LARGE1: variants seen among roughly 807,000 people sequenced by gnomAD.
The protein encoded by LARGE1 is LARGE xylosyl- and glucuronyltransferase 1, also known as xylosyl- and glucuronyltransferase LARGE1.
A neutral mutation model predicts 87.6 loss-of-function variants in LARGE1; 43 were observed. The ratio of observed to expected loss-of-function variants is 0.49; its 90% CI spans 0.38 to 0.63. LARGE1 has a LOEUF of 0.63. Among genes scored for constraint, LARGE1 ranks in the 30% least tolerant of loss-of-function variants. The pLI is 0.00. For missense variants in LARGE1, 802 were observed against 1,000.2 expected (o/e 0.80, Z 2.67); for synonymous variants, 434 against 394.6 (o/e 1.10, Z -1.18).
rs141482573 is a variant in LARGE1, at chr22:33,908,554, G to A, written c.-83+11441C>T. Among the ~76,000 whole-genome samples the A allele has an allele frequency of 2.6e-3, 388 of 150,760 alleles. 4 individuals are homozygous for A. The highest frequency in any genetic ancestry group is 9.0e-3 in the African/African-American group (370 of 40,994). On this transcript the variant is annotated intron_variant, in intron 1 of 14. Coordinates refer to ENST00000397394, the MANE Select transcript of LARGE1 (RefSeq NM_133642.5). ...GATGCATGAAATGGGGGGTGGCCAG[G>A]GGTGGGGGGTGAGACTGCAGAGAAA...
chr22:33,784,922 T>A (rs984063100), intron 1 of LARGE1, among the ~76,000 whole-genome samples: 1 of 151,204 alleles, frequency 6.6e-6, no homozygotes. Flanking sequence ...TGTGTGTATA[T>A]ACATATATGT....
the LARGE1 span, among the ~76,000 whole-genome samples, chr22:33,148,394 T>G: frequency 6.6e-6 from 1 of 152,228 alleles, no homozygotes; most frequent in Non-Finnish European, 1.5e-5. Flanking sequence ...ATCCAAGTTG[T>G]GTTCATCAAT....
At chr22:33,408,240 C>T (rs537419094) in intron 7 of LARGE1, among the ~76,000 whole-genome samples, 1 of 152,026 alleles carries the variant, frequency 6.6e-6, no homozygotes, top group South Asian at 2.1e-4. Context: ...CCGCCTCGGC[C>T]CCCAAAGTGC....
At chr22:33,427,583 C>T (rs1042480208) in intron 7 of LARGE1, among the ~76,000 whole-genome samples, 1 of 152,116 alleles carries the variant, frequency 6.6e-6, no homozygotes, top group African/African-American at 2.4e-5. Flanking sequence ...GGTATGATGC[C>T]TGGTGGGATG....
chr22:33,745,552 C>A (rs1446055645), intron 2 of LARGE1, among the ~76,000 whole-genome samples: 1 of 152,092 alleles, frequency 6.6e-6, no homozygotes, highest in Non-Finnish European at 1.5e-5. Context: ...AACCAATCTG[C>A]CCCCAAACTG....
chr22:33,648,434 C>T (rs995145680), intron 3 of LARGE1, among the ~76,000 whole-genome samples: 8 of 152,154 alleles, frequency 5.3e-5, no homozygotes, highest in East Asian at 3.9e-4. Flanking sequence ...AGTGTAAATA[C>T]GCTTGGAGAA....
intron 9 of LARGE1, 140 bp from the exon 10 acceptor site, chr22:33,337,941 G>T: frequency 2.1e-6 from 2 of 945,132 alleles, no homozygotes; most frequent in Non-Finnish European, 3.2e-6. Context: ...TTTTGGCAGA[G>T]TGGTTAAGGG....
At chr22:33,156,960 G>A in the LARGE1 span, among the ~76,000 whole-genome samples, 5 of 152,186 alleles carry the variant, frequency 3.3e-5, no homozygotes, top group Non-Finnish European at 7.4e-5. Flanking sequence ...CTCCCTGCAC[G>A]AGCACCCTTC....
At chr22:33,115,631 C>A in the LARGE1 span, among the ~76,000 whole-genome samples, 1 of 151,816 alleles carries the variant, frequency 6.6e-6, no homozygotes, top group Non-Finnish European at 1.5e-5. Context: ...TCCTGGCCAA[C>A]ATGGTGAAAC....
chr22:33,480,024 C>T lies in LARGE1; in HGVS notation c.788-47759G>A, dbSNP rs149062618. Among the ~76,000 whole-genome samples, 47 of 152,262 alleles carry T rather than the reference C, an allele frequency of 3.1e-4. No homozygotes were observed. In the East Asian group the frequency reaches 7.5e-3, roughly 24 times the overall value. On this transcript the variant is annotated intron_variant, in intron 6 of 14. Coordinates refer to ENST00000397394, the MANE Select transcript of LARGE1 (RefSeq NM_133642.5). ...CCTCCCAAAGTGCTGGGATTACAGG[C>T]GTGAACCACTGTGCCCGGCAAGAAT...
intron 1 of LARGE1, among the ~76,000 whole-genome samples, chr22:33,815,705 G>A (rs1053813656): frequency 3.9e-5 from 6 of 152,206 alleles, no homozygotes; most frequent in Non-Finnish European, 7.3e-5. Context: ...TGAGTTCTCA[G>A]CAGAGAATTG....
chr22:33,761,596 G>T, intron 1 of LARGE1, 38 bp from the exon 2 acceptor site: 1 of 779,932 alleles, frequency 1.3e-6, no homozygotes, highest in Non-Finnish European at 2.3e-6. Context: ...TGAGTTCTTA[G>T]CACTGGAGAT....
At chr22:33,822,618 A>G (rs2086859345) in intron 1 of LARGE1, among the ~76,000 whole-genome samples, 1 of 152,148 alleles carries the variant, frequency 6.6e-6, no homozygotes, top group Non-Finnish European at 1.5e-5. Flanking sequence ...GAATGACTTG[A>G]GCCCAGGAGG....
chr22:33,589,540 T>C (rs1366591731), intron 5 of LARGE1, among the ~76,000 whole-genome samples: 1 of 152,186 alleles, frequency 6.6e-6, no homozygotes, highest in African/African-American at 2.4e-5. Flanking sequence ...AATATTTGTT[T>C]ACTTTTCTGT....
intron 6 of LARGE1, among the ~76,000 whole-genome samples, chr22:33,479,745 C>CTT (rs35004846): frequency 4.3e-4 from 60 of 139,092 alleles, no homozygotes; most frequent in South Asian, 1.2e-3. Flanking sequence ...AAAGTAATGA[C>CTT]TTTTTTTTTT....
the LARGE1 span, among the ~76,000 whole-genome samples, chr22:33,152,295 ATGCTGGCTGG>A: frequency 1.3e-5 from 2 of 152,210 alleles, no homozygotes; most frequent in African/African-American, 4.8e-5. Context: ...GCCCAGTGGC[ATGCTGGCTGG>A]TGCTGGCTGG....
chr22:33,876,257 C>A (rs2064462104), intron 1 of LARGE1, among the ~76,000 whole-genome samples: 1 of 152,058 alleles, frequency 6.6e-6, no homozygotes, highest in Non-Finnish European at 1.5e-5. Context: ...CCATACTGGT[C>A]CCCATGATAA....
chr22:33,095,501 C>T, the LARGE1 span, among the ~76,000 whole-genome samples: 1 of 152,154 alleles, frequency 6.6e-6, no homozygotes, highest in South Asian at 2.1e-4. Flanking sequence ...ACCCTATTTC[C>T]AAATGAGGTC....
chr22:33,456,508 A>C (rs8142415), intron 6 of LARGE1, among the ~76,000 whole-genome samples: 3,124 of 152,336 alleles, frequency 0.021, 97 homozygotes, highest in African/African-American at 0.071. Context: ...GAATAAGGCT[A>C]AACATCTTGT....
Sources: gnomAD v4.1 joint callset for allele counts (sites outside exome capture counted in the v4.1 genomes callset) on GRCh38, gnomAD v4.1.1 for gene constraint, MANE v1.5 for transcripts, NCBI Gene and HGNC (gene_info 2026-07-23, HGNC 2026-07-21) for gene names.